DNAH8: variants seen among roughly 807,000 people sequenced by gnomAD.
DNAH8 encodes axonemal beta dynein heavy chain 8.
DNAH8 carries 382 observed loss-of-function variants against 562.1 expected under a neutral mutation model. The ratio of observed to expected loss-of-function variants is 0.68; its 90% confidence interval spans 0.63 to 0.74. DNAH8 has a LOEUF of 0.74. Among genes scored for constraint, DNAH8 ranks in the 30% least tolerant of loss-of-function variants. DNAH8 has a pLI of 0.00. For missense variants in DNAH8, 5,203 were observed against 5,620.4 expected, an observed-to-expected ratio of 0.93 and a Z score of 2.37; for synonymous variants, 1,881 against 1,919.4, an observed-to-expected ratio of 0.98 and a Z score of 0.52.
At chr6:39,017,286 T>A (rs1304423275) in intron 91 of DNAH8, among the ~76,000 whole-genome samples, 21 of 152,218 alleles carry the variant, frequency 1.4e-4, no homozygotes, top group African/African-American at 4.3e-4. Flanking sequence ...GCCTTTTCAG[T>A]GCATCGTGTA....
intron 22 of DNAH8, 71 bp downstream of exon 22, chr6:38,803,382 T>A: frequency 8.3e-7 from 1 of 1,210,526 alleles, no homozygotes; most frequent in Non-Finnish European, 1.2e-6. Context: ...ACCTTCTGCT[T>A]AGCAGGTACT....
intron 48 of DNAH8, among the ~76,000 whole-genome samples, chr6:38,868,819 C>T (rs559978615): frequency 1.3e-5 from 2 of 152,032 alleles, no homozygotes; most frequent in Non-Finnish European, 2.9e-5. Context: ...TACTGGCACA[C>T]ACCACCATGC....
In DNAH8 at chr6:38,818,443, A is replaced by G. The variant is rs138933586; in HGVS notation, c.3523+2786A>G. ...ACGATGTAAATAGACATTTTCAGAC[A>G]TGCAGTGTCTTTTAAAATGTACCAT... On this transcript the variant is annotated intron_variant, in intron 26 of 92. Coordinates refer to ENST00000327475, the MANE Select transcript of DNAH8 (RefSeq NM_001206927.2). Among the ~76,000 whole-genome samples the G allele has an allele frequency of 1.3e-4, 19 of 150,930 alleles. No individual in the cohort carries two copies. In the East Asian group the frequency reaches 3.7e-3, roughly 30 times the overall value.
chr6:39,010,066 C>T (rs1160290591), intron 89 of DNAH8, among the ~76,000 whole-genome samples: 1 of 152,120 alleles, frequency 6.6e-6, no homozygotes, highest in African/African-American at 2.4e-5. Flanking sequence ...AGGTTCAAGA[C>T]CTTGTGATAA....
At position 38,972,528 on chromosome 6, in the gene DNAH8, ATTGAGTGAT is replaced by A. The variant is rs553769932; in HGVS notation, c.12525+868_12525+876del. Reference sequence around the variant, plus strand: ...TTACTCGGATCAAATGTTTCACTCTATTGAGTGATTTGACAGTTTAACTTTGGGCCTTAA... The same window carrying A: ...TTACTCGGATCAAATGTTTCACTCTATTGACAGTTTAACTTTGGGCCTTAA... On this transcript the variant is annotated intron_variant, in intron 83 of 92. Coordinates refer to ENST00000327475, the MANE Select transcript of DNAH8 (RefSeq NM_001206927.2). Among the ~76,000 whole-genome samples the A allele has an allele frequency of 1.2e-3, 185 of 152,266 alleles. 2 individuals carry two copies. Among genetic ancestry groups the A allele is most frequent in the African/African-American group, 4.0e-3 (167 of 41,566 alleles).
intron 30 of DNAH8, among the ~76,000 whole-genome samples, chr6:38,830,438 T>C (rs1773730137): frequency 1.3e-5 from 2 of 151,924 alleles, no homozygotes; most frequent in East Asian, 3.9e-4. Flanking sequence ...GTCGAGACCA[T>C]CCTGGCTAAC....
chr6:38,909,351 T>C (rs1264802005), intron 64 of DNAH8, among the ~76,000 whole-genome samples, 167 bp from the exon 65 acceptor site: 1 of 152,162 alleles, frequency 6.6e-6, no homozygotes, highest in East Asian at 1.9e-4. Flanking sequence ...GTGTGGAGTA[T>C]ATTTCCTCCC....
In DNAH8 at chr6:38,908,041, C is replaced by G. The variant is rs747278340; in HGVS notation, c.9434C>G (p.Pro3145Arg). ...ATGAAGAGGGAGCTACCTCGCCATCCTCCTACCTTTGATAATTTGTATGAA... is the reference window on the plus strand; with the variant it reads ...ATGAAGAGGGAGCTACCTCGCCATCGTCCTACCTTTGATAATTTGTATGAA... Reference protein sequence around the residue: ...SVMKRELPRHPPTFDNLYEYF... With the variant: ...SVMKRELPRHRPTFDNLYEYF... The change falls in exon 64 of 93, where the codon CCT becomes CGT. Residue 3145 changes from proline (P) to arginine (R), a missense_variant. Physicochemically the swap from Pro to Arg is moderately radical, Grantham distance 103. Coordinates refer to ENST00000327475, the MANE Select transcript of DNAH8 (RefSeq NM_001206927.2). 3.1e-6 allele frequency: 5 copies of G among 1,612,042 alleles called. No homozygotes were observed. The Admixed American group carries it at 5.0e-5, about 16-fold the overall frequency.
intron 45 of DNAH8, among the ~76,000 whole-genome samples, chr6:38,866,168 G>A (rs765594565): frequency 6.6e-6 from 1 of 151,706 alleles, no homozygotes; most frequent in African/African-American, 2.4e-5. Flanking sequence ...TTGAAGAGAT[G>A]GAATAAAAAA....
chr6:38,878,539 A>G (rs896080785), intron 53 of DNAH8, among the ~76,000 whole-genome samples: 1 of 152,196 alleles, frequency 6.6e-6, no homozygotes, highest in African/African-American at 2.4e-5. Context: ...AAAAAGATGG[A>G]TCTGAAAAGA....
rs1327163992 is a variant in DNAH8, at chr6:38,945,640, C to T, written c.12129+52C>T. 5 of 1,607,038 alleles carry T rather than the reference C, an allele frequency of 3.1e-6. No homozygotes were observed. The African/African-American group carries it at 4.0e-5, about 13-fold the overall frequency. The stretch of plus-strand genomic sequence containing the variant: ...GTGCAGATCTGCAAACCCAAACATA[C>T]CTGGGCCGCTTAAACTGGGGCTTCC... On this transcript the variant is annotated intron_variant, in intron 80 of 92. Transcript: ENST00000327475.
chr6:38,890,982 G>A (rs1056265549), intron 58 of DNAH8, among the ~76,000 whole-genome samples: 2 of 152,182 alleles, frequency 1.3e-5, no homozygotes, highest in East Asian at 3.8e-4. Flanking sequence ...CTGTAAACCA[G>A]ACATGACATC....
chr6:38,739,402 C>A (rs1764352007), intron 7 of DNAH8, among the ~76,000 whole-genome samples: 1 of 152,174 alleles, frequency 6.6e-6, no homozygotes, highest in Non-Finnish European at 1.5e-5. Flanking sequence ...GTTACAAAGG[C>A]ATTCTCTTAA....
chr6:38,815,730 T>C (rs1772200768), intron 26 of DNAH8, 73 bp downstream of exon 26: 1 of 1,307,008 alleles, frequency 7.7e-7, no homozygotes, highest in Non-Finnish European at 1.0e-6. Context: ...TTTTAAATTA[T>C]TTTATATGTT....
Position 38,863,113 on chromosome 6 carries a change from G to A in DNAH8, c.6310+655G>A, listed in dbSNP as rs76797040. ...GTTGATTTAGCATGTCCACTTAAAT[G>A]TCTAGCAGGTGCAGATTCACTATGT... On this transcript the variant is annotated intron_variant, in intron 44 of 92. Transcript: ENST00000327475. Among the ~76,000 whole-genome samples the A allele has an allele frequency of 0.01, 1,563 of 152,198 alleles. 91 individuals are homozygous for A. The East Asian group carries it at 0.15, about 14-fold the overall frequency.
At chr6:38,793,800 A>G (rs1370021647) in intron 21 of DNAH8, among the ~76,000 whole-genome samples, 1 of 152,062 alleles carries the variant, frequency 6.6e-6, no homozygotes, top group Non-Finnish European at 1.5e-5. Flanking sequence ...AAAATATTTT[A>G]TATTTTACAA....
In DNAH8 at chr6:39,030,534, T is replaced by C; in HGVS notation, c.*142T>C. ...TAAAAAGTTGATGTTCTAAAATTGC[T>C]AGTGCGTGTGTGTTTTCCTCACATA... On this transcript the variant is annotated 3_prime_UTR_variant, in exon 93 of 93. Transcript: ENST00000327475. The C allele has an allele frequency of 1.5e-6, 1 of 682,102 alleles. No homozygotes were observed. Among genetic ancestry groups the C allele is most frequent in the Admixed American group, 3.1e-5 (1 of 32,624 alleles). 42.3% of individuals were successfully genotyped at this position (682,102 alleles called of 1,614,324 possible).
intron 43 of DNAH8, among the ~76,000 whole-genome samples, chr6:38,861,033 C>T (rs1363997521): frequency 6.6e-6 from 1 of 152,128 alleles, no homozygotes; most frequent in African/African-American, 2.4e-5. Flanking sequence ...AATAATTAGT[C>T]AATGGCAGAT....
chr6:38,966,141 A>G (rs753497775), intron 82 of DNAH8, among the ~76,000 whole-genome samples: 61 of 152,190 alleles, frequency 4.0e-4, no homozygotes, highest in Non-Finnish European at 7.5e-4. Context: ...GAAAGTGAAG[A>G]TTACTAAAAT....
Sources: gnomAD v4.1 joint callset for allele counts (sites outside exome capture counted in the v4.1 genomes callset) on GRCh38, gnomAD v4.1.1 for gene constraint, MANE v1.5 for transcripts, NCBI Gene and HGNC (gene_info 2026-07-23, HGNC 2026-07-21) for gene names.